The following MDGA2 variants were observed in gnomAD, a reference collection of about 807,000 sequenced individuals.
The protein encoded by MDGA2 is MAM domain-containing glycosylphosphatidylinositol anchor protein 2.
MDGA2 carries 40 observed loss-of-function variants against 117.8 expected under a neutral mutation model. The observed-to-expected ratio is 0.34, with a 90% CI of 0.26 to 0.44. The LOEUF is 0.44. Among genes scored for constraint, MDGA2 ranks in the 20% least tolerant of loss-of-function variants. The pLI, the probability that MDGA2 is intolerant of heterozygous loss-of-function variation, is 1.00. For synonymous variants in MDGA2, 452 were observed against 439.0 expected, an observed-to-expected ratio of 1.03 and a Z score of -0.37; for missense variants, 1,123 against 1,250.6, an observed-to-expected ratio of 0.90 and a Z score of 1.54.
intron 3 of MDGA2, among the ~76,000 whole-genome samples, chr14:47,202,738 T>C (rs1566678826): frequency 1.3e-5 from 2 of 152,200 alleles, no homozygotes; most frequent in Admixed American, 6.5e-5. Context: ...ATTATAAAAA[T>C]TTATACAAGT....
chr14:47,274,346 A>G lies in MDGA2; in HGVS notation c.420+27065T>C, dbSNP rs1303434299. Among the ~76,000 whole-genome samples, 5 of 151,826 alleles carry G rather than the reference A, an allele frequency of 3.3e-5. No homozygotes were observed. In the South Asian group the frequency reaches 8.3e-4, roughly 25 times the overall value. On this transcript the variant is annotated intron_variant, in intron 2 of 16. Transcript: ENST00000399232. ...AGAAGTATGCACGATGTTTTTTTTT[A>G]TGACTACTTTCTTTATTAGGATAAT... is the stretch of plus-strand genomic sequence containing the variant.
chr14:47,347,427 C>T (rs1003247453), intron 1 of MDGA2, among the ~76,000 whole-genome samples: 2 of 152,050 alleles, frequency 1.3e-5, no homozygotes, highest in Admixed American at 6.6e-5. Flanking sequence ...ATTTTAAAAA[C>T]GTGGCATTTT....
At chr14:47,601,631 A>AT (rs1437212151) in intron 1 of MDGA2, among the ~76,000 whole-genome samples, 2 of 152,304 alleles carry the variant, frequency 1.3e-5, no homozygotes, top group South Asian at 4.1e-4. Flanking sequence ...AAGAAAGACA[A>AT]TAGCATGTCA....
intron 5 of MDGA2, among the ~76,000 whole-genome samples, chr14:47,120,150 A>G (rs1881574386): frequency 6.6e-6 from 1 of 152,194 alleles, no homozygotes; most frequent in African/African-American, 2.4e-5. Context: ...ATCAAAGAAA[A>G]GACTTTAAGA....
intron 2 of MDGA2, among the ~76,000 whole-genome samples, chr14:47,243,586 C>T (rs529959060): frequency 2.6e-5 from 4 of 151,310 alleles, no homozygotes; most frequent in Non-Finnish European, 5.9e-5. Flanking sequence ...ACTCCAGACG[C>T]GCTACCTTAA....
At chr14:46,964,444 A>G (rs1885935404) in intron 8 of MDGA2, among the ~76,000 whole-genome samples, 1 of 152,218 alleles carries the variant, frequency 6.6e-6, no homozygotes, top group Admixed American at 6.5e-5. Context: ...GAGGCAAAAC[A>G]TTAAGGCATA....
intron 1 of MDGA2, among the ~76,000 whole-genome samples, chr14:47,668,806 A>G (rs1388170508): frequency 2.0e-5 from 3 of 152,236 alleles, no homozygotes; most frequent in African/African-American, 7.2e-5. Context: ...CTGAGATGAC[A>G]GCACATTCCC....
At chr14:47,440,799 G>T (rs139574000) in intron 1 of MDGA2, among the ~76,000 whole-genome samples, 3 of 152,072 alleles carry the variant, frequency 2.0e-5, no homozygotes, top group Non-Finnish European at 2.9e-5. Flanking sequence ...TTTCATGGGG[G>T]AAATATGTGA....
chr14:46,875,439 C>A (rs1240287771), intron 12 of MDGA2, among the ~76,000 whole-genome samples: 2 of 151,318 alleles, frequency 1.3e-5, no homozygotes, highest in Non-Finnish European at 3.0e-5. Flanking sequence ...TATTTATATT[C>A]TATATTCTGG....
intron 2 of MDGA2, among the ~76,000 whole-genome samples, chr14:47,262,671 A>C (rs1887835575): frequency 6.6e-6 from 1 of 152,204 alleles, no homozygotes. Flanking sequence ...CAAAAGACAA[A>C]GATGGCAGAC....
chr14:47,187,145 T>C (rs1205242998), intron 3 of MDGA2, among the ~76,000 whole-genome samples: 1 of 151,572 alleles, frequency 6.6e-6, no homozygotes. Context: ...ATCTATCAAT[T>C]CTCTAGGCAT....
chr14:47,028,679 G>A (rs757067814), intron 8 of MDGA2, among the ~76,000 whole-genome samples: 2 of 152,098 alleles, frequency 1.3e-5, no homozygotes, highest in Non-Finnish European at 2.9e-5. Context: ...TGGAAGAATT[G>A]TTATAAACAG....
chr14:47,175,631 A>T (rs535488380), intron 3 of MDGA2, among the ~76,000 whole-genome samples: 2 of 151,532 alleles, frequency 1.3e-5, no homozygotes, highest in African/African-American at 2.4e-5. Context: ...AATAAATTAC[A>T]TATTGATGGG....
chr14:47,275,791 G>A (rs1471793645), intron 2 of MDGA2, among the ~76,000 whole-genome samples: 3 of 152,154 alleles, frequency 2.0e-5, no homozygotes, highest in African/African-American at 7.2e-5. Flanking sequence ...AGAAGCGCCC[G>A]ATCATCTTAT....
Position 46,865,715 on chromosome 14 carries a change from A to G in MDGA2, c.2752+7718T>C, listed in dbSNP as rs1301453027. ...AAGTCTCAGGATACAAAATCGATGT[A>G]CAAAAATCACAAGCATTCTTATACA... On this transcript the variant is annotated intron_variant, in intron 14 of 16. Transcript: ENST00000399232. 4.0e-4 allele frequency among the ~76,000 whole-genome samples: 61 copies of G among 152,242 alleles called. No homozygotes were observed. The East Asian group carries it at 6.2e-3, about 15-fold the overall frequency.
intron 14 of MDGA2, chr14:46,871,596 T>C (rs1882001220): frequency 6.5e-6 from 1 of 152,892 alleles, no homozygotes. Context: ...TTATTATTGC[T>C]ATTATTATTG....
At chr14:47,122,060 G>A (rs1881679770) in intron 5 of MDGA2, among the ~76,000 whole-genome samples, 1 of 151,816 alleles carries the variant, frequency 6.6e-6, no homozygotes. Flanking sequence ...CTCCTTTGTA[G>A]CAACCTCATT....
At chr14:47,311,867 A>T (rs1054323775) in intron 1 of MDGA2, among the ~76,000 whole-genome samples, 9 of 152,006 alleles carry the variant, frequency 5.9e-5, no homozygotes, top group Non-Finnish European at 1.2e-4. Context: ...TTATAATTTC[A>T]TTTTACCCTG....
chr14:47,358,950 C>T (rs1414304807), intron 1 of MDGA2, among the ~76,000 whole-genome samples: 1 of 152,096 alleles, frequency 6.6e-6, no homozygotes, highest in African/African-American at 2.4e-5. Context: ...TTCACTTAAA[C>T]AAACAAACAA....
Sources: gnomAD v4.1 joint callset for allele counts (sites outside exome capture counted in the v4.1 genomes callset) on GRCh38, gnomAD v4.1.1 for gene constraint, MANE v1.5 for transcripts, NCBI Gene and HGNC (gene_info 2026-07-23, HGNC 2026-07-21) for gene names.